ARHGAP25: variants seen among roughly 807,000 people sequenced by gnomAD.
ARHGAP25 encodes the protein rho GTPase-activating protein 25.
Under a neutral mutation model 71.0 loss-of-function variants are expected in ARHGAP25, and 34 were observed. The observed-to-expected ratio is 0.48, with a 90% CI of 0.36 to 0.64. ARHGAP25 has a LOEUF of 0.64. ARHGAP25 is among the 30% of genes least tolerant of loss of function. The pLI is 0.00. For synonymous variants in ARHGAP25, 282 were observed against 296.5 expected, an observed-to-expected ratio of 0.95 and a Z score of 0.50; for missense variants, 706 against 805.1, an observed-to-expected ratio of 0.88 and a Z score of 1.49.
In ARHGAP25 at chr2:68,775,410, C is replaced by T. The variant is rs778446861; in HGVS notation, c.251C>T (p.Thr84Met). The T allele has an allele frequency of 6.2e-7, 1 of 1,614,256 alleles. No homozygotes were observed. The highest frequency in any genetic ancestry group is 8.5e-7 in the Non-Finnish European group (1 of 1,180,052). Residue 84 changes from threonine to methionine, a missense_variant, in exon 2 of 11, where the codon ACG (threonine) becomes ATG (methionine). Transcript: ENST00000409202. ...QLYYYKDEEDTKPQGCMYLPG... is the reference protein window; with the variant it reads ...QLYYYKDEEDMKPQGCMYLPG... Reference sequence around the variant, plus strand: ...TACTACTACAAGGATGAAGAGGACACGAAGCCCCAGGTACCAGCCAGGCTG... The same window carrying T: ...TACTACTACAAGGATGAAGAGGACATGAAGCCCCAGGTACCAGCCAGGCTG...
At chr2:68,781,030 G>A (rs1678295039) in intron 2 of ARHGAP25, among the ~76,000 whole-genome samples, 2 of 152,192 alleles carry the variant, frequency 1.3e-5, no homozygotes, top group Non-Finnish European at 2.9e-5. Context: ...TTCCTCATCT[G>A]CAAAGTGGCA....
chr2:68,818,083 C>T (rs1681361981), intron 8 of ARHGAP25, 89 bp downstream of exon 8: 3 of 1,530,886 alleles, frequency 2.0e-6, no homozygotes. Flanking sequence ...CTGTAGTTTC[C>T]CAAGCATTTT....
chr2:68,747,129 C>T (rs1032447494), intron 1 of ARHGAP25, among the ~76,000 whole-genome samples: 2 of 151,928 alleles, frequency 1.3e-5, no homozygotes, highest in South Asian at 2.1e-4. Context: ...CATCTGTCCT[C>T]GTCTTACTCA....
intron 1 of ARHGAP25, among the ~76,000 whole-genome samples, chr2:68,772,525 T>C (rs1169332830): frequency 1.3e-5 from 2 of 152,262 alleles, no homozygotes; most frequent in African/African-American, 4.8e-5. Flanking sequence ...CTGGAATGCC[T>C]CACTCTTCGA....
At chr2:68,789,856 A>T (rs181071312) in intron 4 of ARHGAP25, among the ~76,000 whole-genome samples, 1 of 152,274 alleles carries the variant, frequency 6.6e-6, no homozygotes, top group Admixed American at 6.5e-5. Flanking sequence ...GCACCCCGAG[A>T]CCACCACCCT....
At chr2:68,739,165 C>T (rs1394377972) in intron 1 of ARHGAP25, among the ~76,000 whole-genome samples, 1 of 152,212 alleles carries the variant, frequency 6.6e-6, no homozygotes, top group Admixed American at 6.5e-5. Flanking sequence ...TATATCCACT[C>T]ATGCACAAAA....
At chr2:68,796,979 G>C (rs1679593836) in intron 4 of ARHGAP25, among the ~76,000 whole-genome samples, 1 of 152,186 alleles carries the variant, frequency 6.6e-6, no homozygotes, top group Admixed American at 6.5e-5. Context: ...CAGCCTCCAG[G>C]CTAGTAGATG....
At chr2:68,766,587 G>C (rs564267519) in intron 1 of ARHGAP25, among the ~76,000 whole-genome samples, 3 of 152,170 alleles carry the variant, frequency 2.0e-5, no homozygotes, top group Non-Finnish European at 2.9e-5. Flanking sequence ...GCCCTGGAGA[G>C]GCACCCTAGG....
intron 2 of ARHGAP25, among the ~76,000 whole-genome samples, chr2:68,727,085 G>A (rs571649168): frequency 5.3e-5 from 8 of 152,176 alleles, no homozygotes; most frequent in Non-Finnish European, 1.2e-4. Flanking sequence ...CGTACATGCT[G>A]AGGCATCTGT....
chr2:68,732,563 C>T (rs979319210), upstream of ARHGAP25, among the ~76,000 whole-genome samples: 7 of 152,236 alleles, frequency 4.6e-5, no homozygotes, highest in Non-Finnish European at 7.3e-5. Flanking sequence ...TCAGCGGAAT[C>T]CAGCTCCCTG....
At chr2:68,782,106 T>G in intron 2 of ARHGAP25, 127 bp from the exon 3 acceptor site, 1 of 799,396 alleles carries the variant, frequency 1.3e-6, no homozygotes, top group East Asian at 2.6e-5. Flanking sequence ...ACTGGGAGGC[T>G]AGCTTCCCAT....
intron 1 of ARHGAP25, among the ~76,000 whole-genome samples, chr2:68,768,319 C>T (rs1291503542): frequency 6.6e-6 from 1 of 152,192 alleles, no homozygotes; most frequent in African/African-American, 2.4e-5. Context: ...TTCCATCGTC[C>T]ACTCTGCTCA....
At chr2:68,794,394 T>A (rs1317234477) in intron 4 of ARHGAP25, among the ~76,000 whole-genome samples, 6 of 152,216 alleles carry the variant, frequency 3.9e-5, no homozygotes, top group Non-Finnish European at 8.8e-5. Context: ...AGTATGATGT[T>A]GGCTGTGCAT....
chr2:68,746,711 C>CCG (rs1553395343), intron 1 of ARHGAP25, among the ~76,000 whole-genome samples: 5 of 143,944 alleles, frequency 3.5e-5, no homozygotes, highest in East Asian at 2.0e-4. Flanking sequence ...CCACCCCCCT[C>CCG]CCCATCCCCA....
At position 68,802,821 on chromosome 2, in the gene ARHGAP25, A is replaced by G. The variant is rs564143848; in HGVS notation, c.467-4452A>G. Among the ~76,000 whole-genome samples, 11 of 152,180 alleles carry G rather than the reference A, an allele frequency of 7.2e-5. No homozygotes were observed. In the South Asian group the frequency reaches 2.3e-3, roughly 32 times the overall value. On this transcript the variant is annotated intron_variant, in intron 4 of 10. Transcript: ENST00000409202. ...AGTATAATACTAAAGAGAGAAAAGC[A>G]AATGTTGGTCATTTGCATGAGAGCT...
intron 1 of ARHGAP25, among the ~76,000 whole-genome samples, chr2:68,749,526 A>C (rs1300783383): frequency 6.6e-6 from 1 of 152,098 alleles, no homozygotes; most frequent in African/African-American, 2.4e-5. Flanking sequence ...CATGGCCTTT[A>C]ATTTATTCTC....
chr2:68,733,406 G>A (rs1017812403), upstream of ARHGAP25, among the ~76,000 whole-genome samples: 2 of 152,208 alleles, frequency 1.3e-5, no homozygotes, highest in Admixed American at 1.3e-4. Context: ...ATATTTGCAA[G>A]TTAGACAATT....
chr2:68,752,233 TC>T (rs1355691764), intron 1 of ARHGAP25, among the ~76,000 whole-genome samples: 1 of 152,232 alleles, frequency 6.6e-6, no homozygotes, highest in African/African-American at 2.4e-5. Context: ...TTGTTAAAGT[TC>T]ATGAAATCAG....
upstream of ARHGAP25, among the ~76,000 whole-genome samples, chr2:68,731,034 G>A (rs1558601728): frequency 6.6e-6 from 1 of 151,844 alleles, no homozygotes. Context: ...GATTAGGCTG[G>A]GTTCTTAATC....
Sources: allele counts gnomAD v4.1 joint callset (sites outside exome capture counted in the v4.1 genomes callset), GRCh38; gene constraint gnomAD v4.1.1; transcripts MANE v1.5; gene names NCBI Gene and HGNC (gene_info 2026-07-23, HGNC 2026-07-21).